The following SWT1 variants were observed in gnomAD, a reference collection of about 807,000 sequenced individuals.
The protein encoded by SWT1 is SWT1 RNA endoribonuclease homolog, also known as transcriptional protein SWT1.
SWT1 carries 33 observed loss-of-function variants against 107.3 expected under a neutral mutation model. That is an observed-to-expected ratio of 0.31 (90% CI 0.23 to 0.41). The LOEUF is 0.41. Ranked by LOEUF, SWT1 falls within the 10% of genes least tolerant of loss-of-function variation. The pLI, the probability that SWT1 is intolerant of heterozygous loss-of-function variation, is 1.00. For synonymous variants in SWT1, 345 were observed against 348.3 expected (o/e 0.99, Z 0.11); for missense variants, 898 against 1,028.9 (o/e 0.87, Z 1.74).
intron 7 of SWT1, among the ~76,000 whole-genome samples, chr1:185,183,160 T>C (rs1250211540): frequency 1.3e-5 from 2 of 151,946 alleles, no homozygotes; most frequent in Non-Finnish European, 2.9e-5. Context: ...AAAGTAATGC[T>C]ACCTTACATT....
chr1:185,265,022 A>G (rs1209965497), intron 16 of SWT1, among the ~76,000 whole-genome samples: 1 of 152,126 alleles, frequency 6.6e-6, no homozygotes, highest in Non-Finnish European at 1.5e-5. Context: ...AATTACCTAT[A>G]AACTCTTCCT....
chr1:185,277,976 CT>C lies in SWT1; in HGVS notation c.2573+1317del, dbSNP rs1002613836. ...AAGGGCAAGTATTATAAATCCAATT[CT>C]TTTTTTTTAATCTTCTTTTTGTCTT... On this transcript the variant is annotated intron_variant, in intron 18 of 18. Coordinates refer to ENST00000367500, the MANE Select transcript of SWT1 (RefSeq NM_017673.7). Among the ~76,000 whole-genome samples the C allele has an allele frequency of 4.0e-4, 61 of 151,334 alleles. 1 individual carries two copies. The highest frequency in any genetic ancestry group is 1.9e-3 in the Admixed American group (29 of 15,148).
At chr1:185,209,550 G>T (rs1396726046) in intron 13 of SWT1, among the ~76,000 whole-genome samples, 2 of 152,138 alleles carry the variant, frequency 1.3e-5, no homozygotes, top group South Asian at 2.1e-4. Context: ...CAAAGGAGAT[G>T]AATTCATCCT....
chr1:185,193,555 C>T (rs1023403816), intron 10 of SWT1, among the ~76,000 whole-genome samples: 2 of 151,860 alleles, frequency 1.3e-5, no homozygotes, highest in African/African-American at 4.8e-5. Context: ...CAGCCTCTGC[C>T]TCCCGGATTC....
intron 12 of SWT1, among the ~76,000 whole-genome samples, chr1:185,205,981 C>CT (rs889423066): frequency 5.3e-5 from 8 of 151,140 alleles, no homozygotes; most frequent in East Asian, 3.9e-4. Context: ...TTTTTCTTCT[C>CT]TTTTTTTTTG....
intron 10 of SWT1, among the ~76,000 whole-genome samples, chr1:185,197,511 G>A (rs1287758589): frequency 6.6e-6 from 1 of 152,174 alleles, no homozygotes; most frequent in African/African-American, 2.4e-5. Context: ...TCTATTGTTT[G>A]TAATAGTTTC....
rs146996751 is a variant in SWT1, at chr1:185,166,480, G to A, written c.85-92G>A. On this transcript the variant is annotated intron_variant, in intron 2 of 18. Transcript: ENST00000367500. Reference sequence around the variant, plus strand: ...CCGAAGTTCATTATTGAATGTAAATGTTGATTTGTAATACTAGTGATGAAA... The same window carrying A: ...CCGAAGTTCATTATTGAATGTAAATATTGATTTGTAATACTAGTGATGAAA... 6 of 781,652 alleles carry A rather than the reference G, an allele frequency of 7.7e-6. No homozygotes were observed. The South Asian group carries it at 1.0e-4, about 13-fold the overall frequency. 48.4% of individuals were successfully genotyped at this position (781,652 alleles called of 1,614,324 possible). A position where few individuals can be genotyped will look rare whatever the true frequency, so the allele number is the denominator to read the frequency against.
At chr1:185,210,674 A>G (rs141432161) in intron 13 of SWT1, among the ~76,000 whole-genome samples, 31 of 152,300 alleles carry the variant, frequency 2.0e-4, no homozygotes, top group African/African-American at 6.0e-4. Context: ...CCTATTGAAC[A>G]TAGTATTGGA....
At chr1:185,277,836 GTTAT>G (rs1049411413) in intron 18 of SWT1, among the ~76,000 whole-genome samples, 2 of 151,122 alleles carry the variant, frequency 1.3e-5, no homozygotes, top group African/African-American at 4.9e-5. Flanking sequence ...TGGTTTTACT[GTTAT>G]TTATAACAAA....
intron 4 of SWT1, among the ~76,000 whole-genome samples, chr1:185,172,910 G>C (rs1443455289): frequency 6.6e-6 from 1 of 152,038 alleles, no homozygotes; most frequent in Non-Finnish European, 1.5e-5. Context: ...CGGGCGTGGT[G>C]GTGTGTGCCT....
chr1:185,181,397 A>G (rs766546186), intron 6 of SWT1, among the ~76,000 whole-genome samples: 2 of 152,190 alleles, frequency 1.3e-5, no homozygotes, highest in Non-Finnish European at 2.9e-5. Flanking sequence ...GCTAGACTGT[A>G]TTTTCATTTC....
chr1:185,228,150 T>C (rs1320074111), intron 15 of SWT1, among the ~76,000 whole-genome samples: 1 of 138,454 alleles, frequency 7.2e-6, no homozygotes, highest in Non-Finnish European at 1.5e-5. Context: ...AAACAGTATG[T>C]CACATTAAAA....
At chr1:185,203,868 C>T (rs146381149) in intron 11 of SWT1, among the ~76,000 whole-genome samples, 9 of 151,968 alleles carry the variant, frequency 5.9e-5, no homozygotes, top group African/African-American at 2.2e-4. Context: ...TTGGAAATAA[C>T]GTTTTTGTCA....
chr1:185,256,171 C>T (rs1470781774), intron 16 of SWT1, among the ~76,000 whole-genome samples: 1 of 151,746 alleles, frequency 6.6e-6, no homozygotes, highest in Non-Finnish European at 1.5e-5. Context: ...GATGGGCTTC[C>T]CTTTGTGGGT....
At chr1:185,205,084 T>C (rs1353416840) in intron 12 of SWT1, among the ~76,000 whole-genome samples, 2 of 152,110 alleles carry the variant, frequency 1.3e-5, no homozygotes, top group African/African-American at 4.8e-5. Flanking sequence ...CAAACAGATA[T>C]TTATTTTGCA....
intron 16 of SWT1, among the ~76,000 whole-genome samples, chr1:185,242,962 T>C (rs1661347537): frequency 6.6e-6 from 1 of 152,162 alleles, no homozygotes; most frequent in Non-Finnish European, 1.5e-5. Flanking sequence ...AGGGCTATCA[T>C]AATAATTTTA....
chr1:185,258,615 C>G (rs1662793943), intron 16 of SWT1, among the ~76,000 whole-genome samples: 1 of 152,028 alleles, frequency 6.6e-6, no homozygotes, highest in African/African-American at 2.4e-5. Context: ...ATTATTTTCC[C>G]TAAGTAGTTT....
chr1:185,223,279 G>A (rs35291294), intron 15 of SWT1, among the ~76,000 whole-genome samples: 21,223 of 151,996 alleles, frequency 0.14, 1,856 homozygotes, highest in South Asian at 0.22. Flanking sequence ...TAGTGCAGTG[G>A]TATAATCATG....
intron 5 of SWT1, chr1:185,176,921 T>G: frequency 3.4e-6 from 2 of 593,876 alleles, no homozygotes; most frequent in Non-Finnish European, 4.2e-6. Context: ...GAGGCGGCCC[T>G]TGCAGTGAGC....
Sources: gnomAD v4.1 joint callset for allele counts (sites outside exome capture counted in the v4.1 genomes callset) on GRCh38, gnomAD v4.1.1 for gene constraint, MANE v1.5 for transcripts, NCBI Gene and HGNC (gene_info 2026-07-23, HGNC 2026-07-21) for gene names.